The following CSMD1 variants were observed in gnomAD, a reference collection of about 807,000 sequenced individuals.
CSMD1 encodes the protein CUB and Sushi multiple domains 1, also known as CUB and sushi domain-containing protein 1.
In CSMD1, 213 loss-of-function variants were observed where a neutral mutation model predicts 417.5. The observed-to-expected ratio is 0.51, with a 90% CI of 0.46 to 0.57. The LOEUF (loss-of-function observed/expected upper bound fraction) is 0.57, where lower values mean the gene tolerates loss of function less well. Among genes scored for constraint, CSMD1 ranks in the 20% least tolerant of loss-of-function variants. The pLI, the probability that CSMD1 is intolerant of heterozygous loss-of-function variation, is 0.00. For missense variants in CSMD1, 6,923 were observed against 4,529.7 expected, an observed-to-expected ratio of 1.53 and a Z score of -15.17; for synonymous variants, 2,862 against 1,736.8, an observed-to-expected ratio of 1.65 and a Z score of -16.11.
intron 30 of CSMD1, among the ~76,000 whole-genome samples, chr8:3,212,814 T>C: frequency 6.8e-6 from 1 of 147,452 alleles, no homozygotes; most frequent in South Asian, 2.1e-4. Context: ...GCTTGTTTGA[T>C]TTTAGTTTCT....
chr8:4,184,062 G>A (rs1798530191), intron 3 of CSMD1, among the ~76,000 whole-genome samples: 1 of 152,106 alleles, frequency 6.6e-6, no homozygotes, highest in African/African-American at 2.4e-5. Context: ...TATCTACCCT[G>A]CAATAATTAG....
rs574687712 is a variant in CSMD1 at position 3,934,848 on chromosome 8, A to G, written c.818+63055T>C. On this transcript the variant is annotated intron_variant, in intron 5 of 69. Transcript: ENST00000635120. ...GGCAACAGAGCAAGACTCTGTCTCA[A>G]TAAATAAATTAATTAAATAAAATAA... Among the ~76,000 whole-genome samples the G allele has an allele frequency of 1.4e-4, 22 of 152,254 alleles. 1 individual carries two copies. In the South Asian group the frequency reaches 4.4e-3, roughly 30 times the overall value.
At chr8:4,433,100 T>G (rs1008956016) in intron 2 of CSMD1, among the ~76,000 whole-genome samples, 3 of 152,160 alleles carry the variant, frequency 2.0e-5, no homozygotes, top group Non-Finnish European at 1.5e-5. Flanking sequence ...TGTCATTGTC[T>G]CCCATCACCT....
At chr8:4,026,687 T>A (rs978240049) in intron 4 of CSMD1, among the ~76,000 whole-genome samples, 4 of 152,164 alleles carry the variant, frequency 2.6e-5, no homozygotes, top group African/African-American at 9.7e-5. Context: ...AAAATAGCAA[T>A]CAGACAAATG....
intron 3 of CSMD1, among the ~76,000 whole-genome samples, chr8:4,081,764 A>C (rs1264043342): frequency 2.0e-5 from 3 of 152,198 alleles, no homozygotes; most frequent in Admixed American, 2.0e-4. Context: ...AAAGACCCCA[A>C]ATATCTGGAA....
intron 10 of CSMD1, among the ~76,000 whole-genome samples, chr8:3,504,487 G>C (rs1014076595): frequency 3.3e-5 from 5 of 152,120 alleles, no homozygotes; most frequent in Admixed American, 6.5e-5. Context: ...TGGCAGTTGT[G>C]TTCATTATTA....
At chr8:4,159,486 C>T (rs1035759474) in intron 3 of CSMD1, among the ~76,000 whole-genome samples, 4 of 152,082 alleles carry the variant, frequency 2.6e-5, no homozygotes, top group Non-Finnish European at 5.9e-5. Flanking sequence ...CATCAATCAA[C>T]GAGTGGATAA....
rs73661505 is a variant in CSMD1, at chr8:4,533,176, A to C, written c.302+104166T>G. Among the ~76,000 whole-genome samples the C allele has an allele frequency of 2.1e-3, 313 of 152,210 alleles. 5 individuals carry two copies. The highest frequency in any genetic ancestry group is 7.2e-3 in the African/African-American group (298 of 41,496). ...CAGCTAATGTTTTCAGGGTGTACCC[A>C]CGTGGTAGCATTTGTCATCGTAGTA... is the stretch of plus-strand genomic sequence containing the variant. On this transcript the variant is annotated intron_variant, in intron 2 of 69. Transcript: ENST00000635120.
intron 3 of CSMD1, among the ~76,000 whole-genome samples, chr8:4,241,404 A>G (rs1802389341): frequency 6.6e-6 from 1 of 152,182 alleles, no homozygotes; most frequent in African/African-American, 2.4e-5. Flanking sequence ...AGTACTTGCT[A>G]ACCCCATGTT....
chr8:4,325,475 C>A (rs552106392), intron 3 of CSMD1, among the ~76,000 whole-genome samples: 3 of 152,168 alleles, frequency 2.0e-5, no homozygotes, highest in African/African-American at 7.2e-5. Flanking sequence ...TACTTTCAAG[C>A]GCTTCCTGTG....
chr8:4,714,465 CT>C (rs1584985358), intron 1 of CSMD1, among the ~76,000 whole-genome samples: 1 of 152,184 alleles, frequency 6.6e-6, no homozygotes, highest in African/African-American at 2.4e-5. Context: ...TACATAAGCG[CT>C]TTCATATGCT....
intron 3 of CSMD1, among the ~76,000 whole-genome samples, chr8:4,036,956 G>GGTGTGTGTGT (rs57139782): frequency 2.3e-4 from 34 of 146,032 alleles, no homozygotes; most frequent in East Asian, 1.3e-3. Context: ...GTGAGTGTGG[G>GGTGTGTGTGT]GTGTGTGTGT....
intron 4 of CSMD1, among the ~76,000 whole-genome samples, chr8:4,020,403 A>G (rs946633759): frequency 1.3e-5 from 2 of 152,182 alleles, no homozygotes; most frequent in African/African-American, 2.4e-5. Flanking sequence ...ACTGAGCATG[A>G]CATCTGTTCA....
chr8:4,890,849 G>C (rs1804072181), intron 1 of CSMD1, among the ~76,000 whole-genome samples: 1 of 152,128 alleles, frequency 6.6e-6, no homozygotes, highest in African/African-American at 2.4e-5. Flanking sequence ...TTTAGTCACA[G>C]ATCACATTGA....
chr8:4,918,174 G>A (rs1394351448), intron 1 of CSMD1, among the ~76,000 whole-genome samples: 2 of 152,182 alleles, frequency 1.3e-5, no homozygotes, highest in East Asian at 1.9e-4. Flanking sequence ...TGGTGTTGGT[G>A]ACTCCTGAGT....
intron 5 of CSMD1, among the ~76,000 whole-genome samples, chr8:3,764,413 C>T (rs184959096): frequency 7.9e-5 from 12 of 152,262 alleles, no homozygotes; most frequent in Middle Eastern, 3.4e-3. Flanking sequence ...CATATATAAA[C>T]AACGTATGAG....
chr8:3,927,186 A>G (rs894668911), intron 5 of CSMD1, among the ~76,000 whole-genome samples: 1 of 151,976 alleles, frequency 6.6e-6, no homozygotes, highest in African/African-American at 2.4e-5. Flanking sequence ...TTTATTAGAG[A>G]TATTATATCT....
chr8:4,510,721 C>T (rs1402114593), intron 2 of CSMD1, among the ~76,000 whole-genome samples: 5 of 144,786 alleles, frequency 3.5e-5, no homozygotes, highest in Non-Finnish European at 7.6e-5. Context: ...TTTCCCTTCC[C>T]TTCCTTGCCT....
intron 46 of CSMD1, among the ~76,000 whole-genome samples, chr8:3,104,918 C>G (rs1288580347): frequency 6.6e-6 from 1 of 152,064 alleles, no homozygotes; most frequent in Non-Finnish European, 1.5e-5. Flanking sequence ...GTTGGTCAGG[C>G]TGGTCTCGAC....
Sources: allele counts gnomAD v4.1 joint callset (sites outside exome capture counted in the v4.1 genomes callset), GRCh38; gene constraint gnomAD v4.1.1; transcripts MANE v1.5; gene names NCBI Gene and HGNC (gene_info 2026-07-23, HGNC 2026-07-21).